The following USO1 variants were observed in gnomAD, a reference collection of about 807,000 sequenced individuals.
USO1 encodes general vesicular transport factor p115.
A neutral mutation model predicts 124.5 loss-of-function variants in USO1; 57 were observed. That is an observed-to-expected ratio of 0.46 (90% CI 0.37 to 0.57). The LOEUF is 0.57. Among genes scored for constraint, USO1 ranks in the 20% least tolerant of loss-of-function variants. The probability of loss-of-function intolerance (pLI) is 0.00; values close to 1 mark genes in which losing one functional copy is unlikely to be tolerated. For synonymous variants in USO1, 369 were observed against 362.8 expected (o/e 1.02, Z -0.19); for missense variants, 900 against 1,040.6 (o/e 0.86, Z 1.86).
chr4:75,759,067 G>T (rs900815509), intron 4 of USO1, among the ~76,000 whole-genome samples: 1 of 149,824 alleles, frequency 6.7e-6, no homozygotes, highest in African/African-American at 2.5e-5. Context: ...AATTTTTTCT[G>T]TTCTTAAAAA....
chr4:75,799,792 C>T, intron 14 of USO1, 60 bp downstream of exon 14: 1 of 1,586,626 alleles, frequency 6.3e-7, no homozygotes. Context: ...AGTTTTTCTC[C>T]TCAATTAGAA....
chr4:75,783,891 G>A (rs1722290618), intron 9 of USO1, among the ~76,000 whole-genome samples: 1 of 152,128 alleles, frequency 6.6e-6, no homozygotes, highest in Admixed American at 6.6e-5. Context: ...GAGTCTATTT[G>A]TACTCCCAAC....
intron 1 of USO1, among the ~76,000 whole-genome samples, chr4:75,725,910 C>T (rs1720427172): frequency 6.6e-6 from 1 of 152,168 alleles, no homozygotes; most frequent in African/African-American, 2.4e-5. Flanking sequence ...TTATATTCCA[C>T]ATTATGCTTT....
At chr4:75,809,532 G>A (rs324693) in intron 21 of USO1, among the ~76,000 whole-genome samples, 98,512 of 152,048 alleles carry the variant, frequency 0.65, 34,094 homozygotes, top group East Asian at 0.91. Flanking sequence ...ACTTTGCTTA[G>A]AAACCTCAGT....
intron 20 of USO1, among the ~76,000 whole-genome samples, chr4:75,807,025 C>A (rs1723017833): frequency 6.6e-6 from 1 of 151,946 alleles, no homozygotes; most frequent in Admixed American, 6.6e-5. Context: ...TAAATGACTC[C>A]AGCTAAAAAG....
At position 75,724,754 on chromosome 4, in the gene USO1, A is replaced by C. The variant is rs1720339807; in HGVS notation, c.-66A>C. ...CGGGATTGGGGCCCAGGCCCTGCGG[A>C]GGGCGGGGGAAGTTGTCTTCTTTTT... On this transcript the variant is annotated 5_prime_UTR_variant, in exon 1 of 24. Transcript: ENST00000514213. 4.5e-6 allele frequency: 7 copies of C among 1,557,134 alleles called. No homozygotes were observed. Among genetic ancestry groups the C allele is most frequent in the Non-Finnish European group, 6.2e-6 (7 of 1,134,778 alleles).
At chr4:75,812,409 T>G (rs1723176303) in intron 23 of USO1, 34 bp downstream of exon 23, 1 of 1,535,374 alleles carries the variant, frequency 6.5e-7, no homozygotes. Flanking sequence ...ATGATTTGTA[T>G]TATGTTTTAG....
chr4:75,792,358 G>A (rs1722555624), intron 12 of USO1, among the ~76,000 whole-genome samples: 1 of 152,124 alleles, frequency 6.6e-6, no homozygotes. Flanking sequence ...CGAACATGGT[G>A]AAAACCCATC....
At chr4:75,756,529 G>A (rs1364770202) in intron 3 of USO1, among the ~76,000 whole-genome samples, 5 of 126,024 alleles carry the variant, frequency 4.0e-5, no homozygotes, top group East Asian at 2.3e-4. Context: ...TTTTTGAGAC[G>A]GAGTTTTGCT....
intron 23 of USO1, 101 bp downstream of exon 23, chr4:75,812,476 G>C: frequency 1.4e-6 from 2 of 1,407,506 alleles, no homozygotes; most frequent in Non-Finnish European, 1.9e-6. Context: ...CTGTATTATA[G>C]GAATGGATAT....
chr4:75,744,024 C>T (rs1721046459), intron 1 of USO1, among the ~76,000 whole-genome samples: 1 of 152,250 alleles, frequency 6.6e-6, no homozygotes, highest in Middle Eastern at 3.4e-3. Flanking sequence ...GATCCGCCCG[C>T]CATGGCCTCC....
chr4:75,728,429 C>T (rs1047673019), intron 1 of USO1, among the ~76,000 whole-genome samples: 1 of 152,184 alleles, frequency 6.6e-6, no homozygotes, highest in Middle Eastern at 3.2e-3. Flanking sequence ...TTGAGACCAG[C>T]CTGGCCAAAC....
chr4:75,777,562 T>C (rs979128938), intron 8 of USO1, among the ~76,000 whole-genome samples: 3 of 152,050 alleles, frequency 2.0e-5, no homozygotes, highest in Non-Finnish European at 2.9e-5. Context: ...CAAAAAGATA[T>C]ACAGATGGCA....
chr4:75,812,148 T>G lies in USO1; in HGVS notation c.2584-12T>G. 2 of 1,587,694 alleles carry G rather than the reference T, an allele frequency of 1.3e-6. No individual in the cohort carries two copies. Among genetic ancestry groups the G allele is most frequent in the Non-Finnish European group, 1.7e-6 (2 of 1,166,476 alleles). On this transcript the variant is annotated splice_polypyrimidine_tract_variant and intron_variant, in intron 22 of 23. Transcript: ENST00000514213. ...AATTTTAGATTCCTGCCTTTCACCTTTCTTTTCCTAGAATGAAATTAAAGC... is the reference window on the plus strand; with the variant it reads ...AATTTTAGATTCCTGCCTTTCACCTGTCTTTTCCTAGAATGAAATTAAAGC...
intron 1 of USO1, among the ~76,000 whole-genome samples, chr4:75,744,709 C>T (rs955198166): frequency 9.9e-5 from 15 of 152,160 alleles, no homozygotes; most frequent in East Asian, 1.9e-4. Flanking sequence ...CGTAAGCCAC[C>T]GCGCCCAGCC....
At chr4:75,810,638 TAATGATGTGTAATTTTATCTCAC>T in intron 22 of USO1, 99 bp downstream of exon 22, 6 of 1,297,648 alleles carry the variant, frequency 4.6e-6, no homozygotes, top group Non-Finnish European at 6.2e-6. Flanking sequence ...TGAAGAAAGC[TAATGATGTGTAATTTTATCTCAC>T]AACATTTTCA....
chr4:75,726,027 A>T (rs995878345), intron 1 of USO1, among the ~76,000 whole-genome samples: 1 of 152,176 alleles, frequency 6.6e-6, no homozygotes, highest in African/African-American at 2.4e-5. Flanking sequence ...CACGCCTCTA[A>T]TCCCAGCACT....
At position 75,799,676 on chromosome 4, in the gene USO1, A is replaced by G; in HGVS notation, c.1507A>G (p.Ser503Gly). The change falls in exon 14 of 24, where the codon AGC becomes GGC. Residue 503 changes from serine to glycine, a missense_variant. By Grantham distance (56) the Ser-to-Gly change is moderately conservative (BLOSUM62 0). Transcript: ENST00000514213. ...GLLMLLCTWL[S>G]NCPIAVTHFL... The stretch of plus-strand genomic sequence containing the variant: ...ATTAATGTTGCTTTGTACCTGGCTA[A>G]GCAATTGTCCCATTGCAGTAACGCA... 6.2e-7 allele frequency: 1 copy of G among 1,613,864 alleles called. No individual in the cohort carries two copies. The highest frequency in any genetic ancestry group is 8.5e-7 in the Non-Finnish European group (1 of 1,179,808).
At chr4:75,748,705 C>A (rs1721206698) in intron 1 of USO1, among the ~76,000 whole-genome samples, 1 of 152,030 alleles carries the variant, frequency 6.6e-6, no homozygotes, top group Admixed American at 6.6e-5. Flanking sequence ...AATCCCAGAT[C>A]TAGAACCAGT....
Sources: allele counts gnomAD v4.1 joint callset (sites outside exome capture counted in the v4.1 genomes callset), GRCh38; gene constraint gnomAD v4.1.1; transcripts MANE v1.5; gene names NCBI Gene and HGNC (gene_info 2026-07-23, HGNC 2026-07-21).